Variants in LAMA1 observed in about 807,000 individuals in gnomAD.
The protein encoded by LAMA1 is laminin subunit alpha 1.
LAMA1 carries 219 observed loss-of-function variants against 348.7 expected under a neutral mutation model. The ratio of observed to expected loss-of-function variants is 0.63; its 90% CI spans 0.56 to 0.70. LAMA1 has a LOEUF of 0.70. LAMA1 is among the 30% of genes least tolerant of loss of function. The pLI is 0.00. For missense variants in LAMA1, 3,744 were observed against 3,888.0 expected, an observed-to-expected ratio of 0.96 and a Z score of 0.99; for synonymous variants, 1,487 against 1,491.0, an observed-to-expected ratio of 1.00 and a Z score of 0.06.
At chr18:7,103,814 G>A (rs1053582289) in intron 1 of LAMA1, among the ~76,000 whole-genome samples, 6 of 148,946 alleles carry the variant, frequency 4.0e-5, no homozygotes, top group South Asian at 4.3e-4. Flanking sequence ...GTAAGACTCC[G>A]TCTTAAAAAA....
intron 3 of LAMA1, among the ~76,000 whole-genome samples, chr18:7,057,448 C>T (rs1468320940): frequency 7.1e-6 from 1 of 141,622 alleles, no homozygotes; most frequent in East Asian, 2.1e-4. Flanking sequence ...AGTGTCATTT[C>T]TTTCTTTCTT....
intron 3 of LAMA1, among the ~76,000 whole-genome samples, chr18:7,054,157 A>G (rs1489344835): frequency 6.6e-6 from 1 of 152,128 alleles, no homozygotes; most frequent in Non-Finnish European, 1.5e-5. Context: ...TTCCACTTTC[A>G]TGTAACTGTC....
chr18:6,965,357 G>A lies in LAMA1; in HGVS notation c.7126C>T (p.Leu2376Phe). The part of the protein sequence containing the change: ...MTDLGSGPIT[L>F]LTDRRYNNGT... ...TTGTTATAACGTCTGTCTGTCAAAA[G>A]GGTAATGGGTCCTGAACCCAGGTCA... Residue 2376 changes from leucine (L) to phenylalanine (F), a missense_variant, in exon 50 of 63, where the codon CTT (leucine) becomes TTT (phenylalanine). Transcript: ENST00000389658. The A allele has an allele frequency of 6.2e-7, 1 of 1,614,176 alleles. No individual in the cohort carries two copies.
chr18:6,965,378 G>C lies in LAMA1; in HGVS notation c.7105C>G (p.Leu2369Val). The change falls in exon 50 of 63, where the codon CTG (leucine) becomes GTG (valine). Residue 2369 changes from leucine to valine, a missense_variant. Leu to Val is a conservative substitution (Grantham distance 32). This residue lies in a region of LAMA1 where 1,983 missense variants were observed against 1,934.3 expected (regional missense o/e 1.03). Coordinates refer to ENST00000389658, the MANE Select transcript of LAMA1 (RefSeq NM_005559.4). ...AAAAGGGTAATGGGTCCTGAACCCA[G>C]GTCAGTCATAACCTTCACTCTGCCA... ...FRGRVKVMTD[L>V]GSGPITLLTD... 1 of 1,614,168 alleles carries C rather than the reference G, an allele frequency of 6.2e-7. No homozygotes were observed. The highest frequency in any genetic ancestry group is 1.3e-5 in the African/African-American group (1 of 75,048).
chr18:6,998,294 T>A (rs955835341), intron 32 of LAMA1, among the ~76,000 whole-genome samples: 1 of 152,042 alleles, frequency 6.6e-6, no homozygotes, highest in African/African-American at 2.4e-5. Context: ...AGAACTTTAT[T>A]GACTGTAATG....
intron 57 of LAMA1, among the ~76,000 whole-genome samples, chr18:6,953,120 T>G (rs1208747239): frequency 6.8e-6 from 1 of 147,936 alleles, no homozygotes. Context: ...AGGAGCCATG[T>G]CTGCCTGTGT....
At chr18:7,111,158 C>G (rs921895853) in intron 1 of LAMA1, among the ~76,000 whole-genome samples, 14 of 152,126 alleles carry the variant, frequency 9.2e-5, no homozygotes, top group African/African-American at 3.4e-4. Flanking sequence ...GCTGGGCCAG[C>G]AGATCAGACT....
intron 24 of LAMA1, among the ~76,000 whole-genome samples, 184 bp from the exon 25 acceptor site, chr18:7,011,663 G>C (rs2057861205): frequency 6.6e-6 from 1 of 152,146 alleles, no homozygotes; most frequent in African/African-American, 2.4e-5. Context: ...TTAAACTACT[G>C]CCATTTAGGG....
chr18:6,980,482 A>G (rs903779983), intron 42 of LAMA1, 39 bp downstream of exon 42: 2 of 1,196,978 alleles, frequency 1.7e-6, no homozygotes, highest in African/African-American at 3.0e-5. Context: ...TTTTACAATG[A>G]GAAGACGTTA....
intron 25 of LAMA1, among the ~76,000 whole-genome samples, chr18:7,010,632 G>T (rs1278151227): frequency 6.6e-6 from 1 of 152,158 alleles, no homozygotes; most frequent in African/African-American, 2.4e-5. Flanking sequence ...AATCAATGTG[G>T]TAGTGATGCA....
intron 36 of LAMA1, among the ~76,000 whole-genome samples, chr18:6,989,160 T>C (rs561548849): frequency 6.6e-6 from 1 of 152,364 alleles, no homozygotes; most frequent in African/African-American, 2.4e-5. Flanking sequence ...CAGGCTTCCC[T>C]GGGCAGAAAC....
intron 58 of LAMA1, among the ~76,000 whole-genome samples, chr18:6,950,307 T>G (rs2057540709): frequency 6.6e-6 from 1 of 152,220 alleles, no homozygotes; most frequent in African/African-American, 2.4e-5. Flanking sequence ...CCTGGCAAGT[T>G]GCCTATGCAA....
rs10685378 is a variant in LAMA1, at chr18:7,083,193, A to ATTTT, written c.62-2740_62-2737dup. Reference sequence around the variant, plus strand: ...CTGTTCTAAATATATATATATATACATTTTTTTTTTTTTTGAGACATAGTC... The same window carrying ATTTT: ...CTGTTCTAAATATATATATATATACATTTTTTTTTTTTTTTTTTGAGACATAGTC... On this transcript the variant is annotated intron_variant, in intron 1 of 62. Coordinates refer to ENST00000389658, the MANE Select transcript of LAMA1 (RefSeq NM_005559.4). Among the ~76,000 whole-genome samples the ATTTT allele has an allele frequency of 1.4e-3, 193 of 141,078 alleles. 1 individual carries two copies. The highest frequency in any genetic ancestry group is 2.7e-3 in the East Asian group (13 of 4,756). 92.6% of individuals were successfully genotyped at this position (141,078 alleles called of 152,430 possible).
chr18:7,039,600 T>C (rs2058011432), intron 10 of LAMA1, among the ~76,000 whole-genome samples: 1 of 152,228 alleles, frequency 6.6e-6, no homozygotes, highest in Non-Finnish European at 1.5e-5. Context: ...AGCATCTCTT[T>C]TGCAACTACT....
chr18:7,071,378 T>C (rs2058145321), intron 3 of LAMA1, among the ~76,000 whole-genome samples: 1 of 152,232 alleles, frequency 6.6e-6, no homozygotes, highest in Non-Finnish European at 1.5e-5. Flanking sequence ...AATTCCTATA[T>C]ATGTACCTGT....
intron 34 of LAMA1, 120 bp downstream of exon 34, chr18:6,995,237 G>A (rs949339978): frequency 1.0e-5 from 8 of 764,058 alleles, no homozygotes; most frequent in East Asian, 2.5e-5. Flanking sequence ...AGCACAGCTC[G>A]TGGGAGGAAG....
chr18:7,106,065 G>T (rs1206463856), intron 1 of LAMA1, among the ~76,000 whole-genome samples: 1 of 152,224 alleles, frequency 6.6e-6, no homozygotes, highest in Non-Finnish European at 1.5e-5. Flanking sequence ...TCTGAGATGT[G>T]TGGGTGTTGT....
intron 3 of LAMA1, among the ~76,000 whole-genome samples, chr18:7,078,737 C>T (rs1449060457): frequency 1.3e-5 from 2 of 151,944 alleles, no homozygotes; most frequent in African/African-American, 4.8e-5. Context: ...CTCCTGTAAT[C>T]CCAGCACTTT....
At chr18:6,964,014 C>CTT (rs79621141) in intron 51 of LAMA1, 14 of 144,932 alleles carry the variant, frequency 9.7e-5, no homozygotes, top group Admixed American at 6.9e-4. Context: ...AGCATGATTT[C>CTT]TTTTTTTTTT....
Sources: allele counts gnomAD v4.1 joint callset (sites outside exome capture counted in the v4.1 genomes callset), GRCh38; gene constraint gnomAD v4.1.1; regional missense constraint gnomAD v4.1.1; transcripts MANE v1.5; gene names NCBI Gene and HGNC (gene_info 2026-07-23, HGNC 2026-07-21).